The following SEL1L2 variants were observed in gnomAD, a reference collection of about 807,000 sequenced individuals.
SEL1L2 encodes the protein protein sel-1 homolog 2.
A neutral mutation model predicts 98.8 loss-of-function variants in SEL1L2; 89 were observed. The observed-to-expected ratio is 0.90, with a 90% CI of 0.76 to 1.07. The LOEUF (loss-of-function observed/expected upper bound fraction) is 1.07, where lower values mean the gene tolerates loss of function less well. Among genes scored for constraint, SEL1L2 ranks in the 50% least tolerant of loss-of-function variants. The pLI is 0.00. For synonymous variants in SEL1L2, 262 were observed against 278.5 expected (o/e 0.94, Z 0.59); for missense variants, 788 against 812.0 (o/e 0.97, Z 0.36).
At chr20:13,882,857 C>T (rs1447899254) in intron 10 of SEL1L2, among the ~76,000 whole-genome samples, 4 of 140,590 alleles carry the variant, frequency 2.8e-5, no homozygotes, top group Admixed American at 7.5e-5. Flanking sequence ...CGCTCTGTCG[C>T]CCAGGCTGGA....
chr20:13,981,098 G>A (rs969280156), intron 1 of SEL1L2, among the ~76,000 whole-genome samples: 5 of 152,018 alleles, frequency 3.3e-5, no homozygotes, highest in East Asian at 1.9e-4. Flanking sequence ...CAAAATTAGC[G>A]GGGCATGGTG....
At chr20:13,893,195 C>T (rs567653551) in intron 5 of SEL1L2, among the ~76,000 whole-genome samples, 1 of 152,264 alleles carries the variant, frequency 6.6e-6, no homozygotes, top group South Asian at 2.1e-4. Flanking sequence ...CCTTTATAAT[C>T]TCCAACTTTC....
At chr20:13,855,447 G>A (rs1247050288) in intron 18 of SEL1L2, among the ~76,000 whole-genome samples, 2 of 152,112 alleles carry the variant, frequency 1.3e-5, no homozygotes, top group African/African-American at 4.8e-5. Context: ...TGGGTAGGAC[G>A]GAGGAGGTAA....
chr20:13,875,361 T>C (rs549212459), intron 12 of SEL1L2, among the ~76,000 whole-genome samples: 1 of 152,334 alleles, frequency 6.6e-6, no homozygotes, highest in East Asian at 1.9e-4. Flanking sequence ...TGTTTCAGCC[T>C]CCCAAAGTGT....
upstream of SEL1L2, among the ~76,000 whole-genome samples, chr20:13,992,904 T>A (rs941480127): frequency 1.8e-4 from 28 of 152,278 alleles, no homozygotes; most frequent in African/African-American, 5.3e-4. Context: ...TTAACCTCAC[T>A]CACCCTTATG....
intron 18 of SEL1L2, among the ~76,000 whole-genome samples, chr20:13,850,979 G>GTAGTCC (rs1988151609): frequency 6.6e-6 from 1 of 152,178 alleles, no homozygotes; most frequent in African/African-American, 2.4e-5. Context: ...GTTCACGCCT[G>GTAGTCC]TAGTCCCAGT....
chr20:13,956,657 T>A (rs1489354884), intron 1 of SEL1L2, among the ~76,000 whole-genome samples: 1 of 152,180 alleles, frequency 6.6e-6, no homozygotes, highest in Non-Finnish European at 1.5e-5. Context: ...TAACTTTCAA[T>A]GAATTTTTAA....
intron 2 of SEL1L2, among the ~76,000 whole-genome samples, chr20:13,954,257 G>T (rs527875579): frequency 6.6e-6 from 1 of 152,240 alleles, no homozygotes; most frequent in African/African-American, 2.4e-5. Context: ...CCTACATTGG[G>T]GGTAGAGATG....
At position 13,908,252 on chromosome 20, in the gene SEL1L2, G is replaced by C. The variant is rs554453549; in HGVS notation, c.549+5530C>G. ...TCTGCCTTAGCCTCCCGAGTAGCTG[G>C]ACCAACAGGCATGCACCATCATGCT... On this transcript the variant is annotated intron_variant, in intron 5 of 19. Coordinates refer to ENST00000284951, the MANE Select transcript of SEL1L2 (RefSeq NM_025229.2). 2.0e-5 allele frequency among the ~76,000 whole-genome samples: 3 copies of C among 151,632 alleles called. No individual in the cohort carries two copies. In the South Asian group the frequency reaches 6.3e-4, roughly 32 times the overall value.
intron 13 of SEL1L2, 50 bp downstream of exon 13, chr20:13,870,091 T>C: frequency 7.5e-7 from 1 of 1,328,418 alleles, no homozygotes; most frequent in Non-Finnish European, 1.1e-6. Flanking sequence ...CCATGAATTT[T>C]ACCCTGTAAA....
chr20:13,934,898 C>T (rs368619955), intron 2 of SEL1L2, among the ~76,000 whole-genome samples: 7 of 152,020 alleles, frequency 4.6e-5, no homozygotes, highest in East Asian at 3.9e-4. Context: ...GCAAGGTGGC[C>T]GAGAAACATA....
At chr20:13,916,425 CA>C (rs1359539090) in intron 4 of SEL1L2, among the ~76,000 whole-genome samples, 1 of 152,174 alleles carries the variant, frequency 6.6e-6, no homozygotes. Context: ...CCTGATAACA[CA>C]AGAACTTCAC....
At chr20:13,916,828 C>G (rs1315307069) in intron 4 of SEL1L2, among the ~76,000 whole-genome samples, 1 of 151,918 alleles carries the variant, frequency 6.6e-6, no homozygotes, top group African/African-American at 2.4e-5. Flanking sequence ...CGGGGGTGGT[C>G]AGGAGACTGA....
chr20:13,870,161 GAAAGT>G lies in SEL1L2; in HGVS notation c.1142_1146del (p.Tyr381SerfsTer14). On this transcript the variant is annotated frameshift_variant, in exon 13 of 20. Transcript: ENST00000284951. LOFTEE classifies it high-confidence loss of function. ...CTTACCAGGGGAACTCCTTTTCCATGAAAGTAAAGAAGACCAAGCCCATGAAGGCC... is the reference window on the plus strand; with the variant it reads ...CTTACCAGGGGAACTCCTTTTCCATGAAAGAAGACCAAGCCCATGAAGGCC... The G allele has an allele frequency of 6.2e-7, 1 of 1,609,608 alleles. No individual in the cohort carries two copies. Among genetic ancestry groups the G allele is most frequent in the African/African-American group, 1.3e-5 (1 of 74,916 alleles).
Position 13,943,208 on chromosome 20 carries a change from A to C in SEL1L2, c.115-11437T>G, listed in dbSNP as rs139088779. ...AAATAAGAATAGTAGACAGCTTCCTAAGGGTAAATTGTGAAATACAGGGAA... is the reference window on the plus strand; with the variant it reads ...AAATAAGAATAGTAGACAGCTTCCTCAGGGTAAATTGTGAAATACAGGGAA... On this transcript the variant is annotated intron_variant, in intron 2 of 19. Coordinates refer to ENST00000284951, the MANE Select transcript of SEL1L2 (RefSeq NM_025229.2). Among the ~76,000 whole-genome samples, 86 of 152,316 alleles carry C rather than the reference A, an allele frequency of 5.6e-4. No individual in the cohort carries two copies. In the Middle Eastern group the frequency reaches 0.014, roughly 24 times the overall value.
intron 2 of SEL1L2, among the ~76,000 whole-genome samples, chr20:13,936,217 C>T (rs1238627990): frequency 6.6e-6 from 1 of 152,146 alleles, no homozygotes; most frequent in Admixed American, 6.5e-5. Context: ...ACCTAACCAG[C>T]TCCATCTTAC....
At chr20:13,947,875 C>G (rs138087531) in intron 2 of SEL1L2, among the ~76,000 whole-genome samples, 4 of 152,390 alleles carry the variant, frequency 2.6e-5, no homozygotes, top group Non-Finnish European at 4.4e-5. Flanking sequence ...GCTGCCCACT[C>G]TGCCACAGCA....
At chr20:13,850,437 T>A (rs1301147036) in intron 18 of SEL1L2, 118 bp from the exon 19 acceptor site, 1 of 1,113,670 alleles carries the variant, frequency 9.0e-7, no homozygotes, top group Non-Finnish European at 1.3e-6. Flanking sequence ...GAGATTATCA[T>A]GGATTATCCA....
intron 19 of SEL1L2, chr20:13,849,951 G>A (rs1157405667): frequency 1.8e-6 from 1 of 561,088 alleles, no homozygotes; most frequent in Non-Finnish European, 3.2e-6. Flanking sequence ...GGCTTTGAAT[G>A]TAGTGTGTAC....
Sources: gnomAD v4.1 joint callset for allele counts (sites outside exome capture counted in the v4.1 genomes callset) on GRCh38, gnomAD v4.1.1 for gene constraint, MANE v1.5 for transcripts, NCBI Gene and HGNC (gene_info 2026-07-23, HGNC 2026-07-21) for gene names.